FOXN3: variants seen among roughly 807,000 people sequenced by gnomAD.
FOXN3 encodes the protein forkhead box N3.
Under a neutral mutation model 38.4 loss-of-function variants are expected in FOXN3, and 7 were observed. That is an observed-to-expected ratio of 0.18 (90% CI 0.10 to 0.34). The LOEUF (loss-of-function observed/expected upper bound fraction) is 0.34. FOXN3 is among the 10% of genes least tolerant of loss of function. The pLI, the probability that FOXN3 is intolerant of heterozygous loss-of-function variation, is 1.00. For missense variants in FOXN3, 456 were observed against 613.4 expected, an observed-to-expected ratio of 0.74 and a Z score of 2.71; for synonymous variants, 230 against 242.2, an observed-to-expected ratio of 0.95 and a Z score of 0.47.
chr14:89,331,241 C>T (rs1054691578), intron 3 of FOXN3, among the ~76,000 whole-genome samples: 1 of 152,148 alleles, frequency 6.6e-6, no homozygotes, highest in Non-Finnish European at 1.5e-5. Context: ...ACCACTAATC[C>T]ACTTTCTGTC....
At chr14:89,264,638 A>G (rs576562834) in intron 4 of FOXN3, among the ~76,000 whole-genome samples, 4 of 152,310 alleles carry the variant, frequency 2.6e-5, no homozygotes, top group Non-Finnish European at 5.9e-5. Context: ...AGGCCCAAGA[A>G]GAGCAGGAAC....
At chr14:89,223,400 C>T (rs1277242445) in intron 4 of FOXN3, 1 of 152,376 alleles carries the variant, frequency 6.6e-6, no homozygotes, top group Non-Finnish European at 1.5e-5. Context: ...GGGGCAGGTT[C>T]TCCTGGGAGA....
chr14:89,469,963 T>C (rs1305363466), intron 1 of FOXN3, among the ~76,000 whole-genome samples: 2 of 152,262 alleles, frequency 1.3e-5, no homozygotes, highest in African/African-American at 4.8e-5. Flanking sequence ...GCTTCAGTCA[T>C]GCAGGCAGGG....
intron 4 of FOXN3, among the ~76,000 whole-genome samples, chr14:89,217,498 G>A (rs1294187255): frequency 6.6e-6 from 1 of 152,130 alleles, no homozygotes; most frequent in Admixed American, 6.5e-5. Context: ...TAAGAAGAGT[G>A]CCAAAGACTC....
chr14:89,357,247 T>C (rs1020639239), intron 2 of FOXN3, among the ~76,000 whole-genome samples: 2 of 152,020 alleles, frequency 1.3e-5, no homozygotes, highest in Non-Finnish European at 2.9e-5. Context: ...GAGGTTACAG[T>C]GAGCTATGAT....
At chr14:89,551,407 G>A (rs894604871) in intron 1 of FOXN3, among the ~76,000 whole-genome samples, 5 of 151,664 alleles carry the variant, frequency 3.3e-5, no homozygotes, top group South Asian at 2.1e-4. Context: ...CCTTCAACCC[G>A]TCCCTGGTCC....
rs984102729 is a variant in FOXN3 at position 89,180,784 on chromosome 14, A to G, written c.768T>C (p.Asn256=). 1.9e-6 allele frequency: 3 copies of G among 1,612,008 alleles called. No homozygotes were observed. The African/African-American group carries it at 4.0e-5, about 22-fold the overall frequency. ...LLQVPPGVIQ[N]GARVLSRGLF... ...GCCCTCGGCTCAGGACCCGCGCTCC[A>G]TTTTGGATCACTCCTGGAGGAACTG... The change falls in exon 5 of 6, where the codon AAT becomes AAC. Residue 256 remains asparagine (N), a synonymous_variant. Coordinates refer to ENST00000557258, the MANE Select transcript of FOXN3 (RefSeq NM_005197.4).
intron 1 of FOXN3, among the ~76,000 whole-genome samples, chr14:89,438,666 T>C (rs1023039728): frequency 6.6e-6 from 1 of 152,234 alleles, no homozygotes; most frequent in Non-Finnish European, 1.5e-5. Context: ...CATTTTGTGA[T>C]GTAAGGTTGT....
At chr14:89,541,871 C>T (rs931643926) in intron 1 of FOXN3, among the ~76,000 whole-genome samples, 2 of 152,212 alleles carry the variant, frequency 1.3e-5, no homozygotes, top group East Asian at 3.9e-4. Flanking sequence ...TAAAACTGGG[C>T]ACATGGAACT....
chr14:89,284,502 T>C (rs1722729166), intron 3 of FOXN3: 2 of 456,072 alleles, frequency 4.4e-6, no homozygotes, highest in African/African-American at 4.0e-5. Flanking sequence ...CTTCCAGCAC[T>C]AAACTCTTAG....
intron 1 of FOXN3, among the ~76,000 whole-genome samples, chr14:89,441,799 T>C (rs1322163867): frequency 2.0e-5 from 3 of 152,104 alleles, no homozygotes; most frequent in Non-Finnish European, 4.4e-5. Context: ...AGGGTCCCTA[T>C]GGATTCCACA....
At chr14:89,287,711 G>A (rs997531236) in intron 3 of FOXN3, among the ~76,000 whole-genome samples, 2 of 137,724 alleles carry the variant, frequency 1.5e-5, no homozygotes, top group Admixed American at 1.5e-4. Context: ...AAATATCCAA[G>A]AAGCAACTTC....
intron 1 of FOXN3, among the ~76,000 whole-genome samples, chr14:89,575,216 G>T (rs143880432): frequency 6.6e-6 from 1 of 152,142 alleles, no homozygotes; most frequent in East Asian, 1.9e-4. Context: ...ACCCCCAAGC[G>T]ACACTGACTC....
intron 3 of FOXN3, among the ~76,000 whole-genome samples, chr14:89,302,860 C>T (rs966434872): frequency 6.6e-6 from 1 of 152,222 alleles, no homozygotes; most frequent in South Asian, 2.1e-4. Flanking sequence ...AAAGGAGTCA[C>T]AGGCCACCAA....
At chr14:89,532,401 C>T (rs977259007) in intron 1 of FOXN3, among the ~76,000 whole-genome samples, 3 of 152,154 alleles carry the variant, frequency 2.0e-5, no homozygotes, top group African/African-American at 7.2e-5. Context: ...TGACAAGGTA[C>T]AATATATATA....
At chr14:89,374,187 C>T (rs1233765094) in intron 2 of FOXN3, among the ~76,000 whole-genome samples, 4 of 139,232 alleles carry the variant, frequency 2.9e-5, no homozygotes, top group Non-Finnish European at 6.0e-5. Flanking sequence ...TCACCTGAGC[C>T]CAGAATGTCG....
At chr14:89,358,455 G>T (rs544977099) in intron 2 of FOXN3, among the ~76,000 whole-genome samples, 1 of 152,142 alleles carries the variant, frequency 6.6e-6, no homozygotes, top group African/African-American at 2.4e-5. Flanking sequence ...ATACAGACAC[G>T]GACTAGAGTA....
chr14:89,209,738 A>G (rs1434320386), intron 4 of FOXN3, among the ~76,000 whole-genome samples: 2 of 152,240 alleles, frequency 1.3e-5, no homozygotes, highest in Non-Finnish European at 2.9e-5. Context: ...TTTTCTAGGC[A>G]TGTCACTACT....
At chr14:89,499,549 C>T (rs955826600) in intron 1 of FOXN3, among the ~76,000 whole-genome samples, 11 of 150,714 alleles carry the variant, frequency 7.3e-5, no homozygotes, top group Non-Finnish European at 1.6e-4. Context: ...TGTTTTTAAA[C>T]TTTACTTTAT....
Sources: allele counts gnomAD v4.1 joint callset (sites outside exome capture counted in the v4.1 genomes callset), GRCh38; gene constraint gnomAD v4.1.1; transcripts MANE v1.5; gene names NCBI Gene and HGNC (gene_info 2026-07-23, HGNC 2026-07-21).